MAP2K4: variants seen among roughly 807,000 people sequenced by gnomAD.
MAP2K4 encodes the protein dual specificity mitogen-activated protein kinase kinase 4.
MAP2K4 carries 4 observed loss-of-function variants against 48.5 expected under a neutral mutation model. That is an observed-to-expected ratio of 0.08 (90% CI 0.04 to 0.19). The LOEUF (loss-of-function observed/expected upper bound fraction) is 0.19. Ranked by LOEUF, MAP2K4 falls within the 10% of genes least tolerant of loss-of-function variation. The probability of loss-of-function intolerance (pLI) is 1.00; values close to 1 mark genes in which losing one functional copy is unlikely to be tolerated. For synonymous variants in MAP2K4, 166 were observed against 173.1 expected (o/e 0.96, Z 0.32); for missense variants, 258 against 493.3 (o/e 0.52, Z 4.52).
At chr17:12,106,491 A>G (rs551677834) in intron 4 of MAP2K4, among the ~76,000 whole-genome samples, 1 of 152,292 alleles carries the variant, frequency 6.6e-6, no homozygotes, top group South Asian at 2.1e-4. Context: ...GAAACACATT[A>G]GGGACAGTGG....
chr17:12,142,507 C>A lies in MAP2K4; in HGVS notation c.*1247C>A. 1 of 232,998 alleles carries A rather than the reference C, an allele frequency of 4.3e-6. No homozygotes were observed. Among genetic ancestry groups the A allele is most frequent in the Non-Finnish European group, 8.5e-6 (1 of 117,908 alleles). 14.4% of individuals were successfully genotyped at this position (232,998 alleles called of 1,614,324 possible). A position where few individuals can be genotyped will look rare whatever the true frequency, so the allele number is the denominator to read the frequency against. On this transcript the variant is annotated 3_prime_UTR_variant, in exon 11 of 11. Coordinates refer to ENST00000353533, the MANE Select transcript of MAP2K4 (RefSeq NM_003010.4). ...TTTAGCCCCAAATCTCTCATATTCG[C>A]TAGTGTTTAAAAGGCTAAGAATAGT...
intron 3 of MAP2K4, among the ~76,000 whole-genome samples, chr17:12,084,428 C>T (rs191549872): frequency 6.6e-6 from 1 of 152,266 alleles, no homozygotes; most frequent in East Asian, 1.9e-4. Flanking sequence ...AATTTGTATA[C>T]TTGTGCCTGA....
At chr17:12,137,065 G>A (rs886357924) in intron 9 of MAP2K4, among the ~76,000 whole-genome samples, 3 of 152,156 alleles carry the variant, frequency 2.0e-5, no homozygotes, top group Admixed American at 6.5e-5. Flanking sequence ...AACTTGAAAG[G>A]TCCATTACAG....
chr17:12,064,784 A>G (rs534122681), intron 2 of MAP2K4, among the ~76,000 whole-genome samples: 46 of 152,356 alleles, frequency 3.0e-4, no homozygotes, highest in African/African-American at 9.1e-4. Flanking sequence ...TTTATTCAGA[A>G]TAGCCGCCAA....
At chr17:12,063,480 A>G (rs1970516624) in intron 2 of MAP2K4, among the ~76,000 whole-genome samples, 1 of 152,238 alleles carries the variant, frequency 6.6e-6, no homozygotes, top group Non-Finnish European at 1.5e-5. Context: ...ACCATATGCA[A>G]AAATTACCTC....
At chr17:12,054,721 A>G (rs1434047298) in intron 1 of MAP2K4, among the ~76,000 whole-genome samples, 168 bp from the exon 2 acceptor site, 1 of 151,976 alleles carries the variant, frequency 6.6e-6, no homozygotes, top group Non-Finnish European at 1.5e-5. Flanking sequence ...AGATTATTTT[A>G]TTTTTTCTTA....
intron 5 of MAP2K4, among the ~76,000 whole-genome samples, chr17:12,108,235 C>T (rs1972188892): frequency 6.6e-6 from 1 of 152,060 alleles, no homozygotes; most frequent in South Asian, 2.1e-4. Context: ...CCACAGTTAT[C>T]CTGAAATTAA....
intron 3 of MAP2K4, among the ~76,000 whole-genome samples, chr17:12,090,004 T>C (rs1971510353): frequency 6.6e-6 from 1 of 152,178 alleles, no homozygotes; most frequent in African/African-American, 2.4e-5. Flanking sequence ...TGATGACTCA[T>C]ATCCTTTTTG....
At chr17:12,063,698 C>T (rs556782258) in intron 2 of MAP2K4, among the ~76,000 whole-genome samples, 2 of 152,154 alleles carry the variant, frequency 1.3e-5, no homozygotes, top group Non-Finnish European at 2.9e-5. Flanking sequence ...CAAGGCCAGG[C>T]GCAGTGGCTC....
In MAP2K4 at chr17:12,107,905, T is replaced by C. The variant is rs1240723113; in HGVS notation, c.629T>C (p.Leu210Ser). 1.3e-6 allele frequency: 2 copies of C among 1,592,416 alleles called. No homozygotes were observed. Among genetic ancestry groups the C allele is most frequent in the East Asian group, 2.3e-5 (1 of 44,006 alleles). The change falls in exon 5 of 11, where the codon TTA becomes TCA. Residue 210 changes from leucine (L) to serine (S), a missense_variant. Leu to Ser is a moderately radical substitution (Grantham distance 145). Around this residue, in one of 3 missense-constraint regions of MAP2K4, gnomAD observed 132 missense variants for 352.8 expected, o/e 0.37. Transcript: ENST00000353533. ...GAAGAAATTTTAGGCAAAATCACTT[T>C]AGCAGTAAGTACCTGGTCTTTAAAT... The part of the protein sequence containing the change: ...IPEEILGKIT[L>S]ATVKALNHLK...
intron 5 of MAP2K4, 147 bp from the exon 6 acceptor site, chr17:12,110,228 T>G: frequency 1.6e-6 from 1 of 642,824 alleles, no homozygotes; most frequent in Non-Finnish European, 2.7e-6. Context: ...TTCAGTATCT[T>G]TGGTTAACAA....
rs377690891 is a variant in MAP2K4 at position 12,066,838 on chromosome 17, C to T, written c.218+11847C>T. 4.6e-5 allele frequency among the ~76,000 whole-genome samples: 7 copies of T among 152,320 alleles called. No individual in the cohort carries two copies. The East Asian group carries it at 5.8e-4, about 13-fold the overall frequency. ...CCGAGTAGCTGGGACTACAGGCGCC[C>T]GCCACTGCGCCCGGCTAATTTTTTG... On this transcript the variant is annotated intron_variant, in intron 2 of 10. Coordinates refer to ENST00000353533, the MANE Select transcript of MAP2K4 (RefSeq NM_003010.4).
chr17:12,108,868 TTAGACTAGAAACTTA>T (rs1972213207), intron 5 of MAP2K4, among the ~76,000 whole-genome samples: 1 of 151,990 alleles, frequency 6.6e-6, no homozygotes, highest in African/African-American at 2.4e-5. Context: ...AGAAGCTAAC[TTAGACTAGAAACTTA>T]TTATTTAGCG....
intron 3 of MAP2K4, among the ~76,000 whole-genome samples, chr17:12,082,787 T>A (rs1597448739): frequency 1.3e-5 from 2 of 152,342 alleles, no homozygotes; most frequent in East Asian, 3.9e-4. Context: ...TAGGCAGGTG[T>A]ATATACACAA....
Position 12,035,668 on chromosome 17 carries a change from A to G in MAP2K4, c.115+14667A>G, listed in dbSNP as rs192990222. 4.6e-5 allele frequency among the ~76,000 whole-genome samples: 7 copies of G among 152,320 alleles called. No individual in the cohort carries two copies. The East Asian group carries it at 1.2e-3, about 25-fold the overall frequency. On this transcript the variant is annotated intron_variant, in intron 1 of 10. Coordinates refer to ENST00000353533, the MANE Select transcript of MAP2K4 (RefSeq NM_003010.4). ...AGGATATTTCAGAATTATCAGATAA[A>G]CTTATGTTTAATTTATTAAAAAGAA...
chr17:12,083,583 A>G (rs1971263153), intron 3 of MAP2K4, among the ~76,000 whole-genome samples: 1 of 152,236 alleles, frequency 6.6e-6, no homozygotes, highest in South Asian at 2.1e-4. Context: ...CAATTAACAT[A>G]TAGTTGAGGA....
intron 8 of MAP2K4, 130 bp downstream of exon 8, chr17:12,125,501 GA>G (rs369950752): frequency 0.025 from 12,271 of 482,304 alleles, 23 homozygotes; most frequent in African/African-American, 0.033. Flanking sequence ...TTAAGTTGCT[GA>G]AAAAAAAAAA....
chr17:12,139,697 G>A lies in MAP2K4; in HGVS notation c.1041-142G>A, dbSNP rs549691191. ...ACAATTTTTTGTATGTGCTTTTACT[G>A]TGTTTAGCAGGCTGTCTGCGTTGTT... On this transcript the variant is annotated intron_variant, in intron 9 of 10. Transcript: ENST00000353533. The A allele has an allele frequency of 2.9e-4, 158 of 550,114 alleles. 2 individuals carry two copies. The South Asian group carries it at 4.7e-3, about 17-fold the overall frequency. 34.1% of individuals were successfully genotyped at this position (550,114 alleles called of 1,614,324 possible). A position where few individuals can be genotyped will look rare whatever the true frequency, so the allele number is the denominator to read the frequency against.
At chr17:12,046,831 A>G (rs1969978639) in intron 1 of MAP2K4, among the ~76,000 whole-genome samples, 1 of 150,666 alleles carries the variant, frequency 6.6e-6, no homozygotes, top group South Asian at 2.1e-4. Context: ...AATGAGTTAA[A>G]TTTTTTTTTT....
Sources: allele counts gnomAD v4.1 joint callset (sites outside exome capture counted in the v4.1 genomes callset), GRCh38; gene constraint gnomAD v4.1.1; regional missense constraint gnomAD v4.1.1; transcripts MANE v1.5; gene names NCBI Gene and HGNC (gene_info 2026-07-23, HGNC 2026-07-21).